PIPOX: variants seen among roughly 807,000 people sequenced by gnomAD.
The protein encoded by PIPOX is pipecolic acid and sarcosine oxidase.
PIPOX carries 45 observed loss-of-function variants against 47.9 expected under a neutral mutation model. The ratio of observed to expected loss-of-function variants is 0.94; its 90% confidence interval spans 0.74 to 1.20. The LOEUF (loss-of-function observed/expected upper bound fraction) is 1.20, where lower values mean the gene tolerates loss of function less well. Among genes scored for constraint, PIPOX ranks in the 50% most tolerant of loss-of-function variants. The pLI, the probability that PIPOX is intolerant of heterozygous loss-of-function variation, is 0.00. For missense variants in PIPOX, 458 were observed against 498.4 expected, an observed-to-expected ratio of 0.92 and a Z score of 0.77; for synonymous variants, 165 against 191.3, an observed-to-expected ratio of 0.86 and a Z score of 1.13.
intron 7 of PIPOX, 46 bp from the exon 8 acceptor site, chr17:29,056,129 A>G (rs775325056): frequency 7.4e-6 from 12 of 1,611,198 alleles, no homozygotes; most frequent in Non-Finnish European, 9.3e-6. Flanking sequence ...AGAGAGCTCA[A>G]CCTCTGTCTG....
chr17:29,050,172 A>G (rs1225876601), intron 2 of PIPOX, among the ~76,000 whole-genome samples: 1 of 152,244 alleles, frequency 6.6e-6, no homozygotes, highest in Non-Finnish European at 1.5e-5. Context: ...GAAACAATGG[A>G]AAAAGGGAAA....
chr17:29,051,869 C>A, intron 2 of PIPOX: 1 of 459,880 alleles, frequency 2.2e-6, no homozygotes, highest in East Asian at 7.0e-5. Context: ...GAGGCAGCAC[C>A]AGGCATTGTG....
At chr17:29,055,757 G>C (rs1229931376) in intron 6 of PIPOX, 56 bp from the exon 7 acceptor site, 2 of 1,422,170 alleles carry the variant, frequency 1.4e-6, no homozygotes, top group African/African-American at 2.8e-5. Context: ...AGAGCCTGCA[G>C]TTCTTTCTCT....
chr17:29,049,864 T>A (rs2065799368), intron 2 of PIPOX, among the ~76,000 whole-genome samples: 2 of 152,186 alleles, frequency 1.3e-5, no homozygotes. Flanking sequence ...TTCCCACTGT[T>A]ATATCAATAT....
rs57047541 is a variant in PIPOX, at chr17:29,045,403, C to CTTTT, written c.263+421_263+424dup. On this transcript the variant is annotated intron_variant, in intron 2 of 7. Coordinates refer to ENST00000323372, the MANE Select transcript of PIPOX (RefSeq NM_016518.3). ...GGAGGAGGCTGCTTTCAGGAGGATT[C>CTTTT]TTTTTTTTTTTTTTTTTTTTTTTTT... Among the ~76,000 whole-genome samples, 216 of 50,984 alleles carry CTTTT rather than the reference C, an allele frequency of 4.2e-3. 46 individuals carry two copies. The East Asian group carries it at 0.044, about 10-fold the overall frequency. The allele number at this position is 50,984 out of a possible 152,430, so 33.4% of individuals were successfully genotyped here. A position where few individuals can be genotyped will look rare whatever the true frequency, so the allele number is the denominator to read the frequency against.
chr17:29,050,124 CAAGGAAAG>C (rs1402097771), intron 2 of PIPOX, among the ~76,000 whole-genome samples: 3 of 151,772 alleles, frequency 2.0e-5, no homozygotes, highest in African/African-American at 4.8e-5. Context: ...GGAGTCATTT[CAAGGAAAG>C]AAGGAAAGAA....
At chr17:29,052,600 T>G (rs1489332182) in intron 2 of PIPOX, among the ~76,000 whole-genome samples, 2 of 152,208 alleles carry the variant, frequency 1.3e-5, no homozygotes, top group East Asian at 3.8e-4. Flanking sequence ...TGCTCTCTCA[T>G]CCAGGCTGGA....
intron 2 of PIPOX, among the ~76,000 whole-genome samples, chr17:29,045,816 A>G (rs1016051016): frequency 3.3e-5 from 5 of 152,126 alleles, no homozygotes; most frequent in Non-Finnish European, 5.9e-5. Context: ...CTTTTCCTGT[A>G]GGAACAAAAT....
chr17:29,051,994 G>C (rs1208962797), intron 2 of PIPOX: 2 of 471,136 alleles, frequency 4.2e-6, no homozygotes, highest in Non-Finnish European at 8.8e-6. Context: ...TACAGAGGAG[G>C]AATCTGGGCC....
intron 2 of PIPOX, among the ~76,000 whole-genome samples, chr17:29,047,640 T>C (rs1048558353): frequency 9.9e-5 from 15 of 152,236 alleles, no homozygotes; most frequent in African/African-American, 3.6e-4. Context: ...CACTGAAATT[T>C]GAACTTCATA....
Position 29,056,406 on chromosome 17 carries a change from T to C in PIPOX, c.*101T>C. The C allele has an allele frequency of 7.2e-7, 1 of 1,393,882 alleles. No homozygotes were observed. The highest frequency in any genetic ancestry group is 1.0e-6 in the Non-Finnish European group (1 of 1,003,452). The allele number at this position is 1,393,882 out of a possible 1,614,324, so 86.3% of individuals were successfully genotyped here. On this transcript the variant is annotated 3_prime_UTR_variant, in exon 8 of 8. Transcript: ENST00000323372. ...TGTCCCTGAGATATCATCCTTTTCT[T>C]CTGCCTCGCCTGAATCCCCCATAAA...
In PIPOX at chr17:29,044,877, C is replaced by A. The variant is rs148923684; in HGVS notation, c.133C>A (p.Arg45=). 1.9e-6 allele frequency: 3 copies of A among 1,612,996 alleles called. No individual in the cohort carries two copies. Among genetic ancestry groups the A allele is most frequent in the African/African-American group, 2.7e-5 (2 of 74,866 alleles). ...CTTCCAGTTCTTTCTACCACACTCC[C>A]GAGGAAGCTCCCATGGACAAAGCCG... The part of the protein sequence containing the change: ...LLEQFFLPHS[R]GSSHGQSRII... The change falls in exon 2 of 8, where the codon CGA becomes AGA. Residue 45 remains arginine (R), a synonymous_variant. Transcript: ENST00000323372.
intron 1 of PIPOX, 143 bp from the exon 2 acceptor site, chr17:29,044,716 T>G: frequency 1.2e-6 from 1 of 824,882 alleles, no homozygotes. Flanking sequence ...TATCTTCCTG[T>G]GCATAATCCT....
At chr17:29,043,380 C>A in intron 1 of PIPOX, 41 bp downstream of exon 1, 2 of 1,426,374 alleles carry the variant, frequency 1.4e-6, no homozygotes, top group East Asian at 2.3e-5. Flanking sequence ...AAGGACTGTC[C>A]TACCCTCCTC....
intron 3 of PIPOX, 132 bp downstream of exon 3, chr17:29,053,265 A>G: frequency 8.4e-7 from 1 of 1,194,618 alleles, no homozygotes; most frequent in Non-Finnish European, 1.2e-6. Context: ...CTTTTCCAGC[A>G]GGGCAGTGAA....
chr17:29,053,554 A>G lies in PIPOX; in HGVS notation c.619A>G (p.Asn207Asp). 6.2e-7 allele frequency: 1 copy of G among 1,610,024 alleles called. No individual in the cohort carries two copies. The highest frequency in any genetic ancestry group is 8.5e-7 in the Non-Finnish European group (1 of 1,176,910). Reference protein sequence around the residue: ...SLVITAGPWTNQLLRPLGIEM... With the variant: ...SLVITAGPWTDQLLRPLGIEM... ...GGTCATCACAGCAGGTCCTTGGACC[A>G]ACCAGCTCCTCCGTCCCCTGGGCAT... The change falls in exon 4 of 8, where the codon AAC becomes GAC. Residue 207 changes from asparagine to aspartate, a missense_variant. Transcript: ENST00000323372.
intron 2 of PIPOX, among the ~76,000 whole-genome samples, chr17:29,048,609 G>A (rs2065793987): frequency 6.6e-6 from 1 of 152,228 alleles, no homozygotes; most frequent in African/African-American, 2.4e-5. Flanking sequence ...GAGTCCTACT[G>A]TCTAGCTCCT....
In PIPOX at chr17:29,057,059, C is replaced by T. The variant is rs1284684517; in HGVS notation, c.*754C>T. ...TTGGGATGGATTTGACTAAATCTGC[C>T]CCGAGGAGGGTGAACAAGGTGATCT... On this transcript the variant is annotated 3_prime_UTR_variant, in exon 8 of 8. Transcript: ENST00000323372. 1 of 152,100 alleles carries T rather than the reference C, an allele frequency of 6.6e-6. No individual in the cohort carries two copies. Among genetic ancestry groups the T allele is most frequent in the Admixed American group, 6.6e-5 (1 of 15,262 alleles). The allele number at this position is 152,100 out of a possible 1,614,324, so 9.4% of individuals were successfully genotyped here. A position where few individuals can be genotyped will look rare whatever the true frequency, so the allele number is the denominator to read the frequency against.
At position 29,056,296 on chromosome 17, in the gene PIPOX, C is replaced by A. The variant is rs755512825; in HGVS notation, c.1164C>A (p.Ala388=). ...RISRFPSLGK[A]HL ...GCCGTTTCCCAAGCCTGGGCAAAGC[C>A]CACCTTTGACCTCTGGCCAGAAGCC... Residue 388 remains alanine (A), a synonymous_variant, in exon 8 of 8, where the codon GCC becomes GCA. Coordinates refer to ENST00000323372, the MANE Select transcript of PIPOX (RefSeq NM_016518.3). 1.2e-6 allele frequency: 2 copies of A among 1,614,030 alleles called. No individual in the cohort carries two copies. Among genetic ancestry groups the A allele is most frequent in the East Asian group, 4.5e-5 (2 of 44,894 alleles).
Sources: gnomAD v4.1 joint callset for allele counts (sites outside exome capture counted in the v4.1 genomes callset) on GRCh38, gnomAD v4.1.1 for gene constraint, MANE v1.5 for transcripts, NCBI Gene and HGNC (gene_info 2026-07-23, HGNC 2026-07-21) for gene names.